FOXP2: variants seen among roughly 807,000 people sequenced by gnomAD.
The protein encoded by FOXP2 is forkhead box P2, also known as forkhead box protein P2.
In FOXP2, 12 loss-of-function variants were observed where a neutral mutation model predicts 115.8. The ratio of observed to expected loss-of-function variants is 0.10; its 90% CI spans 0.07 to 0.17. The LOEUF (loss-of-function observed/expected upper bound fraction) is 0.17, where lower values mean the gene tolerates loss of function less well. Among genes scored for constraint, FOXP2 ranks in the 10% least tolerant of loss-of-function variants. FOXP2 has a pLI of 1.00. For missense variants in FOXP2, 629 were observed against 843.5 expected, an observed-to-expected ratio of 0.75 and a Z score of 3.15; for synonymous variants, 328 against 297.7, an observed-to-expected ratio of 1.10 and a Z score of -1.05.
chr7:114,235,108 C>T (rs916187377), intron 1 of FOXP2, among the ~76,000 whole-genome samples: 3 of 151,690 alleles, frequency 2.0e-5, no homozygotes, highest in African/African-American at 7.3e-5. Context: ...CTCATGGTCT[C>T]ATATAGTTTT....
chr7:114,612,222 G>A (rs974254304), intron 3 of FOXP2, among the ~76,000 whole-genome samples: 4 of 152,040 alleles, frequency 2.6e-5, no homozygotes, highest in Admixed American at 1.3e-4. Context: ...GACTGGAGGG[G>A]AAGAGATTTG....
chr7:114,628,443 A>G (rs1804712735), intron 3 of FOXP2, 97 bp from the exon 4 acceptor site: 1 of 1,511,432 alleles, frequency 6.6e-7, no homozygotes, highest in Non-Finnish European at 9.1e-7. Flanking sequence ...CATCAATGCT[A>G]AAGAATTTAT....
intron 2 of FOXP2, among the ~76,000 whole-genome samples, chr7:114,350,784 A>C (rs1791466594): frequency 6.6e-6 from 1 of 152,114 alleles, no homozygotes; most frequent in African/African-American, 2.4e-5. Flanking sequence ...AAATATTCAT[A>C]TTTTTATTAT....
chr7:114,499,027 C>A, intron 2 of FOXP2: 1 of 702,434 alleles, frequency 1.4e-6, no homozygotes, highest in South Asian at 1.5e-5. Context: ...AATGCACATT[C>A]TCAGGCCACT....
intron 2 of FOXP2, among the ~76,000 whole-genome samples, chr7:114,367,710 T>C (rs191554213): frequency 4.2e-4 from 64 of 152,266 alleles, no homozygotes; most frequent in African/African-American, 1.4e-3. Context: ...CTGATCCTCA[T>C]TGATGTACTA....
At chr7:114,423,597 G>A (rs1793710872) in intron 1 of FOXP2, among the ~76,000 whole-genome samples, 2 of 151,510 alleles carry the variant, frequency 1.3e-5, no homozygotes, top group African/African-American at 2.4e-5. Flanking sequence ...ACTGATTTTT[G>A]TAAAATGTTT....
chr7:114,229,931 T>G (rs1794833147), intron 1 of FOXP2, among the ~76,000 whole-genome samples: 1 of 151,528 alleles, frequency 6.6e-6, no homozygotes, highest in Non-Finnish European at 1.5e-5. Flanking sequence ...AAAAGCAATT[T>G]AAAAAAATCA....
intron 2 of FOXP2, among the ~76,000 whole-genome samples, chr7:114,458,839 C>G (rs962326144): frequency 6.6e-6 from 1 of 152,140 alleles, no homozygotes; most frequent in Admixed American, 6.6e-5. Flanking sequence ...TCCTAAAAAA[C>G]CATACTAAAC....
At chr7:114,541,359 A>G (rs981874277) in intron 3 of FOXP2, among the ~76,000 whole-genome samples, 1 of 152,056 alleles carries the variant, frequency 6.6e-6, no homozygotes, top group Non-Finnish European at 1.5e-5. Context: ...AGCAGAAGAG[A>G]CAAGAGGGGA....
At chr7:114,522,527 T>C (rs1445505453) in intron 2 of FOXP2, among the ~76,000 whole-genome samples, 1 of 152,196 alleles carries the variant, frequency 6.6e-6, no homozygotes. Flanking sequence ...TTTATTTATA[T>C]ACATATTTTC....
intron 2 of FOXP2, among the ~76,000 whole-genome samples, chr7:114,492,981 C>CTCG (rs1797138924): frequency 2.6e-5 from 4 of 151,448 alleles, no homozygotes; most frequent in Admixed American, 6.6e-5. Flanking sequence ...AACTTTCTGT[C>CTCG]TTGATCTGTC....
Position 114,658,081 on chromosome 7 carries a change from A to T in FOXP2, c.1282A>T (p.Ser428Cys), listed in dbSNP as rs895017794. The T allele has an allele frequency of 6.2e-7, 1 of 1,613,650 alleles. No homozygotes were observed. Among genetic ancestry groups the T allele is most frequent in the Admixed American group, 1.7e-5 (1 of 59,980 alleles). ...PSPKPLNLVSSVTMSKNMLET... is the reference protein window; with the variant it reads ...PSPKPLNLVSCVTMSKNMLET... ...GCCTTTGCAGCTAAATCTGGTGTCT[A>T]GTGTCACCATGTCGAAGAATATGTT... The change falls in exon 11 of 17, where the codon AGT becomes TGT. Residue 428 changes from serine (S) to cysteine (C), a missense_variant. Physicochemically the swap from Ser to Cys is moderately radical, Grantham distance 112. Around this residue, in one of 9 missense-constraint regions of FOXP2, gnomAD observed 101 missense variants for 116.0 expected, o/e 0.87. Transcript: ENST00000350908.
intron 3 of FOXP2, among the ~76,000 whole-genome samples, chr7:114,602,538 A>G (rs1316121097): frequency 1.3e-5 from 2 of 152,048 alleles, no homozygotes; most frequent in Non-Finnish European, 2.9e-5. Context: ...TATTTGCTAC[A>G]GTTTTCTGTG....
chr7:114,460,379 G>A (rs1219629357), intron 2 of FOXP2, among the ~76,000 whole-genome samples: 1 of 152,198 alleles, frequency 6.6e-6, no homozygotes, highest in Admixed American at 6.5e-5. Context: ...TCACCCAGTA[G>A]TGAGTGTAAC....
chr7:114,408,972 T>C (rs1428766288), intron 2 of FOXP2, among the ~76,000 whole-genome samples: 2 of 152,076 alleles, frequency 1.3e-5, no homozygotes, highest in African/African-American at 2.4e-5. Flanking sequence ...TATAGAGTTC[T>C]ATCATTTATC....
chr7:114,270,453 T>G (rs1332842657), intron 1 of FOXP2, among the ~76,000 whole-genome samples: 5 of 152,168 alleles, frequency 3.3e-5, no homozygotes, highest in Non-Finnish European at 7.4e-5. Flanking sequence ...GAATGAAGGT[T>G]TCTGTTGCTC....
intron 1 of FOXP2, among the ~76,000 whole-genome samples, chr7:114,180,515 T>C (rs1327151540): frequency 6.6e-6 from 1 of 151,988 alleles, no homozygotes; most frequent in African/African-American, 2.4e-5. Flanking sequence ...AATTTACAGT[T>C]GCCTCCTTGA....
intron 2 of FOXP2, among the ~76,000 whole-genome samples, chr7:114,491,011 G>T (rs1797020971): frequency 6.6e-6 from 1 of 152,150 alleles, no homozygotes; most frequent in Admixed American, 6.6e-5. Flanking sequence ...AATCCTTTGG[G>T]TATATACCCA....
chr7:114,086,532 G>C (rs1266165911), upstream of FOXP2: 1 of 399,858 alleles, frequency 2.5e-6, no homozygotes, highest in Admixed American at 2.9e-5. Context: ...ACTCGCGCGT[G>C]GGTGTGTTGT....
Sources: allele counts gnomAD v4.1 joint callset (sites outside exome capture counted in the v4.1 genomes callset), GRCh38; gene constraint gnomAD v4.1.1; regional missense constraint gnomAD v4.1.1; transcripts MANE v1.5; gene names NCBI Gene and HGNC (gene_info 2026-07-23, HGNC 2026-07-21).